UGGT2: variants seen among roughly 807,000 people sequenced by gnomAD.
UGGT2 encodes the protein UDP-glucose glycoprotein glucosyltransferase 2.
UGGT2 carries 180 observed loss-of-function variants against 192.1 expected under a neutral mutation model. The ratio of observed to expected loss-of-function variants is 0.94; its 90% CI spans 0.83 to 1.06. UGGT2 has a LOEUF of 1.06. Ranked by LOEUF, UGGT2 falls within the 50% of genes least tolerant of loss-of-function variation. UGGT2 has a pLI of 0.00. For synonymous variants in UGGT2, 580 were observed against 591.0 expected (o/e 0.98, Z 0.27); for missense variants, 1,849 against 1,795.7 (o/e 1.03, Z -0.54).
At chr13:95,826,741 T>A (rs1886084288) in intron 38 of UGGT2, among the ~76,000 whole-genome samples, 1 of 152,082 alleles carries the variant, frequency 6.6e-6, no homozygotes, top group South Asian at 2.1e-4. Flanking sequence ...GTAGTTTCCA[T>A]GAAGATGTCA....
At chr13:95,823,839 T>C (rs982607507) in intron 38 of UGGT2, among the ~76,000 whole-genome samples, 1 of 152,220 alleles carries the variant, frequency 6.6e-6, no homozygotes. Flanking sequence ...TTGTGTTAGT[T>C]TTACAGGCTC....
chr13:96,028,765 T>C (rs972816657), intron 2 of UGGT2, among the ~76,000 whole-genome samples: 6 of 152,190 alleles, frequency 3.9e-5, no homozygotes, highest in Non-Finnish European at 8.8e-5. Context: ...GAAGGTCTCA[T>C]GGAGATTCAA....
rs184380690 is a variant in UGGT2 at position 95,953,263 on chromosome 13, C to T, written c.1336-3809G>A. Reference sequence around the variant, plus strand: ...TGAAACTGTCTTTGTTCCCTTCATGCTACGTCTAAGTTTATGGAAATCTAT... The same window carrying T: ...TGAAACTGTCTTTGTTCCCTTCATGTTACGTCTAAGTTTATGGAAATCTAT... On this transcript the variant is annotated intron_variant, in intron 12 of 38. Coordinates refer to ENST00000376747, the MANE Select transcript of UGGT2 (RefSeq NM_020121.4). 3.9e-5 allele frequency among the ~76,000 whole-genome samples: 6 copies of T among 152,276 alleles called. No homozygotes were observed. In the East Asian group the frequency reaches 1.2e-3, roughly 29 times the overall value.
chr13:95,911,442 G>T (rs539154144), intron 20 of UGGT2, among the ~76,000 whole-genome samples: 1 of 152,262 alleles, frequency 6.6e-6, no homozygotes, highest in South Asian at 2.1e-4. Context: ...TACCATCAGA[G>T]AATACTATAA....
At chr13:95,865,329 A>T (rs1333945867) in intron 30 of UGGT2, among the ~76,000 whole-genome samples, 1 of 152,046 alleles carries the variant, frequency 6.6e-6, no homozygotes, top group African/African-American at 2.4e-5. Flanking sequence ...TGGTTAGGAG[A>T]TAAAACTGTG....
intron 38 of UGGT2, among the ~76,000 whole-genome samples, chr13:95,827,485 T>C (rs1002131049): frequency 6.6e-6 from 1 of 152,156 alleles, no homozygotes. Context: ...TGTTAAATTC[T>C]TTCCTCGCAG....
intron 19 of UGGT2, among the ~76,000 whole-genome samples, chr13:95,926,403 C>T (rs73558699): frequency 0.021 from 3,262 of 152,238 alleles, 113 homozygotes; most frequent in African/African-American, 0.075. Context: ...TTACCACTTC[C>T]CTACTGAGAC....
At chr13:95,945,105 G>A (rs1024201147) in intron 15 of UGGT2, among the ~76,000 whole-genome samples, 1 of 152,040 alleles carries the variant, frequency 6.6e-6, no homozygotes, top group Middle Eastern at 3.4e-3. Context: ...GTATGCTAAA[G>A]TTTAATTTCC....
rs539540602 is a variant in UGGT2, at chr13:95,879,499, G to A, written c.3229-1643C>T. ...TGCCCAGGCTGGAGTACAGTGGCAC[G>A]ATCTCGGCTCACTGCAACATCCGCC... On this transcript the variant is annotated intron_variant, in intron 27 of 38. Coordinates refer to ENST00000376747, the MANE Select transcript of UGGT2 (RefSeq NM_020121.4). Among the ~76,000 whole-genome samples, 17 of 152,240 alleles carry A rather than the reference G, an allele frequency of 1.1e-4. 1 individual carries two copies. The highest frequency in any genetic ancestry group is 6.2e-4 in the South Asian group (3 of 4,818).
At chr13:95,996,680 ATTAG>A (rs1340564299) in intron 6 of UGGT2, among the ~76,000 whole-genome samples, 2 of 152,178 alleles carry the variant, frequency 1.3e-5, no homozygotes, top group African/African-American at 4.8e-5. Flanking sequence ...TGCTTTATAG[ATTAG>A]TTAATAGTCA....
At chr13:95,953,904 C>G (rs2050139607) in intron 12 of UGGT2, among the ~76,000 whole-genome samples, 1 of 152,090 alleles carries the variant, frequency 6.6e-6, no homozygotes, top group East Asian at 1.9e-4. Flanking sequence ...AAAATAGTTA[C>G]TATAGTTAAA....
At chr13:96,039,483 C>T (rs1056501864) in intron 1 of UGGT2, among the ~76,000 whole-genome samples, 1 of 152,110 alleles carries the variant, frequency 6.6e-6, no homozygotes, top group Non-Finnish European at 1.5e-5. Context: ...ACATGCTTAA[C>T]CTGTTCAGCA....
At chr13:95,926,686 A>C (rs1217483114) in intron 19 of UGGT2, among the ~76,000 whole-genome samples, 1 of 152,162 alleles carries the variant, frequency 6.6e-6, no homozygotes. Context: ...CATGTTATTT[A>C]ATCAGAATGC....
intron 13 of UGGT2, 23 bp downstream of exon 13, chr13:95,949,312 T>C (rs762007823): frequency 2.7e-6 from 4 of 1,487,716 alleles, no homozygotes; most frequent in East Asian, 2.4e-5. Flanking sequence ...GATATATATG[T>C]ATAATCAAAA....
chr13:95,813,009 T>A (rs955490758), intron 38 of UGGT2, among the ~76,000 whole-genome samples: 1 of 152,228 alleles, frequency 6.6e-6, no homozygotes, highest in Non-Finnish European at 1.5e-5. Context: ...GGCACCATGC[T>A]TGTACAGCCT....
intron 5 of UGGT2, among the ~76,000 whole-genome samples, chr13:96,006,622 T>TAAAAAA (rs2051985468): frequency 3.6e-5 from 1 of 27,530 alleles, no homozygotes; most frequent in African/African-American, 1.7e-4. Flanking sequence ...AGATTCTGCC[T>TAAAAAA]CAAAAAAAAA....
At chr13:95,912,755 A>G (rs1205935843) in intron 20 of UGGT2, among the ~76,000 whole-genome samples, 1 of 152,212 alleles carries the variant, frequency 6.6e-6, no homozygotes, top group Admixed American at 6.5e-5. Flanking sequence ...TTCATATGGA[A>G]CCAAAAAACA....
intron 7 of UGGT2, among the ~76,000 whole-genome samples, chr13:95,992,137 T>C (rs574359887): frequency 2.0e-5 from 3 of 152,168 alleles, no homozygotes; most frequent in African/African-American, 7.2e-5. Flanking sequence ...CACTACAGCC[T>C]GGGTGACAGA....
Position 95,879,097 on chromosome 13 carries a change from T to C in UGGT2, c.3229-1241A>G, listed in dbSNP as rs1052132805. ...TTAGAAAAAGATTGTAGAGATCATGTAGTTCAACACCCTCACTTTACAGAC... is the reference window on the plus strand; with the variant it reads ...TTAGAAAAAGATTGTAGAGATCATGCAGTTCAACACCCTCACTTTACAGAC... On this transcript the variant is annotated intron_variant, in intron 27 of 38. Coordinates refer to ENST00000376747, the MANE Select transcript of UGGT2 (RefSeq NM_020121.4). 2.6e-5 allele frequency among the ~76,000 whole-genome samples: 4 copies of C among 152,200 alleles called. No individual in the cohort carries two copies. The South Asian group carries it at 8.3e-4, about 31-fold the overall frequency.
Sources: allele counts gnomAD v4.1 joint callset (sites outside exome capture counted in the v4.1 genomes callset), GRCh38; gene constraint gnomAD v4.1.1; transcripts MANE v1.5; gene names NCBI Gene and HGNC (gene_info 2026-07-23, HGNC 2026-07-21).